Variants in CACNA2D3 observed in about 807,000 individuals in gnomAD.
CACNA2D3 encodes the protein calcium voltage-gated channel auxiliary subunit alpha2delta 3.
CACNA2D3 carries 60 observed loss-of-function variants against 160.6 expected under a neutral mutation model. The observed-to-expected ratio is 0.37, with a 90% confidence interval of 0.30 to 0.46. The LOEUF is 0.46. Among genes scored for constraint, CACNA2D3 ranks in the 20% least tolerant of loss-of-function variants. The probability of loss-of-function intolerance (pLI) is 1.00; values close to 1 mark genes in which losing one functional copy is unlikely to be tolerated. For synonymous variants in CACNA2D3, 558 were observed against 492.9 expected (o/e 1.13, Z -1.75); for missense variants, 1,205 against 1,365.0 (o/e 0.88, Z 1.85).
intron 2 of CACNA2D3, among the ~76,000 whole-genome samples, chr3:54,286,136 A>G (rs1242422843): frequency 6.6e-6 from 1 of 152,232 alleles, no homozygotes; most frequent in Non-Finnish European, 1.5e-5. Context: ...ACTCCGAGCT[A>G]CAGGAGGAAA....
intron 2 of CACNA2D3, among the ~76,000 whole-genome samples, chr3:54,141,705 T>G (rs1699939069): frequency 6.6e-6 from 1 of 152,224 alleles, no homozygotes; most frequent in Non-Finnish European, 1.5e-5. Context: ...ACATTCTTTT[T>G]CCATTTCTCC....
chr3:54,239,262 A>C (rs940343218), intron 2 of CACNA2D3, among the ~76,000 whole-genome samples: 4 of 152,176 alleles, frequency 2.6e-5, no homozygotes, highest in African/African-American at 9.7e-5. Flanking sequence ...TTTGCTTTCA[A>C]CTCTGTAAGC....
intron 2 of CACNA2D3, among the ~76,000 whole-genome samples, chr3:54,277,961 G>A (rs540208581): frequency 2.0e-5 from 3 of 152,172 alleles, no homozygotes; most frequent in Non-Finnish European, 2.9e-5. Context: ...AACACCAAAA[G>A]CAATGGCAAC....
chr3:54,351,926 C>T (rs1311178455), intron 3 of CACNA2D3, among the ~76,000 whole-genome samples: 2 of 152,190 alleles, frequency 1.3e-5, no homozygotes, highest in Non-Finnish European at 2.9e-5. Flanking sequence ...ATGTTGGATA[C>T]CTCCTCTGCA....
intron 11 of CACNA2D3, among the ~76,000 whole-genome samples, chr3:54,737,681 T>C: frequency 6.6e-6 from 1 of 152,160 alleles, no homozygotes; most frequent in Admixed American, 6.5e-5. Context: ...ATCCTCTTTT[T>C]TGAGATGGAG....
At chr3:54,231,119 A>T (rs575648045) in intron 2 of CACNA2D3, among the ~76,000 whole-genome samples, 1 of 152,148 alleles carries the variant, frequency 6.6e-6, no homozygotes, top group South Asian at 2.1e-4. Context: ...GTTTGCTGTG[A>T]TGTCTTTAGG....
chr3:54,745,585 A>C (rs998881168), intron 11 of CACNA2D3, among the ~76,000 whole-genome samples: 1 of 152,228 alleles, frequency 6.6e-6, no homozygotes, highest in African/African-American at 2.4e-5. Flanking sequence ...GTGGAGCTGG[A>C]TAGTCTAATA....
intron 4 of CACNA2D3, among the ~76,000 whole-genome samples, chr3:54,441,119 C>T (rs1267732044): frequency 7.9e-5 from 12 of 152,140 alleles, no homozygotes; most frequent in Admixed American, 1.3e-4. Context: ...TAAAAGTGTT[C>T]CTATTTCTCC....
intron 2 of CACNA2D3, among the ~76,000 whole-genome samples, chr3:54,209,305 G>A (rs1230705435): frequency 2.0e-5 from 3 of 152,108 alleles, no homozygotes; most frequent in Non-Finnish European, 4.4e-5. Flanking sequence ...CCTTAGAAGA[G>A]TTTTTCAATA....
At chr3:54,309,545 A>T (rs1041198949) in intron 2 of CACNA2D3, among the ~76,000 whole-genome samples, 2 of 152,130 alleles carry the variant, frequency 1.3e-5, no homozygotes, top group Admixed American at 1.3e-4. Flanking sequence ...CCCATGGCAG[A>T]GCCAGCTGCT....
intron 11 of CACNA2D3, among the ~76,000 whole-genome samples, chr3:54,747,137 G>C (rs1219997161): frequency 1.3e-5 from 2 of 151,970 alleles, no homozygotes; most frequent in Admixed American, 6.6e-5. Flanking sequence ...TCATCTGCTT[G>C]GTGGCATTTT....
At chr3:54,260,826 C>T (rs527391715) in intron 2 of CACNA2D3, among the ~76,000 whole-genome samples, 1 of 152,258 alleles carries the variant, frequency 6.6e-6, no homozygotes, top group African/African-American at 2.4e-5. Flanking sequence ...TGGCTCATCA[C>T]TCTAGTTTCA....
chr3:55,049,118 T>G (rs1704129235), intron 35 of CACNA2D3, among the ~76,000 whole-genome samples: 1 of 151,964 alleles, frequency 6.6e-6, no homozygotes, highest in African/African-American at 2.4e-5. Context: ...TCTGCTCTGA[T>G]TTTAGTTATT....
chr3:54,914,204 A>G (rs1700614077), intron 27 of CACNA2D3, among the ~76,000 whole-genome samples: 1 of 152,142 alleles, frequency 6.6e-6, no homozygotes, highest in Non-Finnish European at 1.5e-5. Context: ...ACATGGAACT[A>G]TATCAGAGTA....
chr3:54,687,579 A>T (rs1166688589), intron 11 of CACNA2D3, among the ~76,000 whole-genome samples: 2 of 152,160 alleles, frequency 1.3e-5, no homozygotes, highest in Non-Finnish European at 2.9e-5. Flanking sequence ...AAAAGTTTTG[A>T]AATAGACTAT....
intron 11 of CACNA2D3, among the ~76,000 whole-genome samples, chr3:54,653,310 A>G (rs1254982559): frequency 2.0e-5 from 3 of 152,156 alleles, no homozygotes; most frequent in African/African-American, 7.2e-5. Flanking sequence ...GTTTCATTCC[A>G]GGGGTCTCTT....
chr3:54,734,230 C>CTGA (rs1282435733), intron 11 of CACNA2D3, among the ~76,000 whole-genome samples: 4 of 152,146 alleles, frequency 2.6e-5, no homozygotes, highest in African/African-American at 9.7e-5. Context: ...CTGTTGCATG[C>CTGA]TGAGGACACT....
intron 2 of CACNA2D3, among the ~76,000 whole-genome samples, chr3:54,159,602 T>C (rs1700305522): frequency 6.6e-6 from 1 of 152,186 alleles, no homozygotes; most frequent in South Asian, 2.1e-4. Context: ...GTGCAAGATA[T>C]GGAAGCAATT....
chr3:54,196,262 A>G lies in CACNA2D3; in HGVS notation c.204+72668A>G, dbSNP rs1701078658. Among the ~76,000 whole-genome samples the G allele has an allele frequency of 2.0e-5, 3 of 152,226 alleles. No individual in the cohort carries two copies. The South Asian group carries it at 6.2e-4, about 32-fold the overall frequency. ...ATTTTAAAAAATATTATATGTTGAT[A>G]TTATCTAACTTTTATTTCAGGATAG... On this transcript the variant is annotated intron_variant, in intron 2 of 37. Transcript: ENST00000474759.
Sources: gnomAD v4.1 joint callset for allele counts (sites outside exome capture counted in the v4.1 genomes callset) on GRCh38, gnomAD v4.1.1 for gene constraint, MANE v1.5 for transcripts, NCBI Gene and HGNC (gene_info 2026-07-23, HGNC 2026-07-21) for gene names.